RBFOX2: variants seen among roughly 807,000 people sequenced by gnomAD.
RBFOX2 encodes RNA binding protein fox-1 homolog 2.
Under a neutral mutation model 49.1 loss-of-function variants are expected in RBFOX2, and 10 were observed. The observed-to-expected ratio is 0.20, with a 90% CI of 0.13 to 0.35. The LOEUF is 0.35. Among genes scored for constraint, RBFOX2 ranks in the 10% least tolerant of loss-of-function variants. RBFOX2 has a pLI of 1.00. For synonymous variants in RBFOX2, 183 were observed against 187.4 expected (o/e 0.98, Z 0.19); for missense variants, 323 against 486.9 (o/e 0.66, Z 3.17).
chr22:35,859,000 A>G (rs1010514430), intron 1 of RBFOX2, among the ~76,000 whole-genome samples: 21 of 152,220 alleles, frequency 1.4e-4, no homozygotes, highest in Non-Finnish European at 2.9e-4. Context: ...TCATTCAATC[A>G]TGATATCTTC....
intron 1 of RBFOX2, among the ~76,000 whole-genome samples, chr22:35,937,262 C>T (rs2053191677): frequency 6.6e-6 from 1 of 152,160 alleles, no homozygotes; most frequent in Admixed American, 6.5e-5. Context: ...GCATAAGTTT[C>T]CCAGCTTAGA....
chr22:35,937,993 T>C lies in RBFOX2; in HGVS notation c.-34+854A>G, dbSNP rs554490682. Among the ~76,000 whole-genome samples, 18 of 152,332 alleles carry C rather than the reference T, an allele frequency of 1.2e-4. 1 individual carries two copies. The South Asian group carries it at 3.5e-3, about 30-fold the overall frequency. On this transcript the variant is annotated intron_variant, in intron 1 of 13. Transcript: ENST00000359369. ...TTCGTTTAGCACTGTAACTCATATC[T>C]CCTGGACAAGTATAACAATGGTAGC...
chr22:35,857,939 G>C (rs542970017), intron 1 of RBFOX2, among the ~76,000 whole-genome samples: 1 of 152,258 alleles, frequency 6.6e-6, no homozygotes, highest in African/African-American at 2.4e-5. Context: ...TACTAGGGAA[G>C]GTATTTCATA....
chr22:35,932,983 T>A (rs1174909152), intron 1 of RBFOX2, among the ~76,000 whole-genome samples: 1 of 152,192 alleles, frequency 6.6e-6, no homozygotes, highest in Non-Finnish European at 1.5e-5. Context: ...AATAAGTTAC[T>A]CAAGAACTTT....
chr22:35,866,235 T>C (rs1244078864), intron 1 of RBFOX2, among the ~76,000 whole-genome samples: 1 of 152,224 alleles, frequency 6.6e-6, no homozygotes, highest in Non-Finnish European at 1.5e-5. Flanking sequence ...ATTAAATATG[T>C]ATTTCCTAAA....
At chr22:35,794,519 G>A (rs981574135) in intron 2 of RBFOX2, among the ~76,000 whole-genome samples, 24 of 152,042 alleles carry the variant, frequency 1.6e-4, no homozygotes, top group African/African-American at 4.8e-5. Context: ...TTAGCCAGGC[G>A]TGGTGGTGGG....
chr22:35,741,627 A>C (rs1418741730), exon 12 of RBFOX2: 1 of 152,810 alleles, frequency 6.5e-6, no homozygotes, highest in Non-Finnish European at 1.5e-5. Context: ...TTCTTAGAAA[A>C]GGGAGCTGGA....
chr22:35,765,589 T>A, intron 5 of RBFOX2, 106 bp from the exon 7 acceptor site: 1 of 530,024 alleles, frequency 1.9e-6, no homozygotes, highest in Non-Finnish European at 3.3e-6. Flanking sequence ...TGTAAATTTC[T>A]GAGAGCAGTG....
rs1012036910 is a variant in RBFOX2 at position 35,753,986 on chromosome 22, T to C, written c.887+5902A>G. 4.0e-5 allele frequency among the ~76,000 whole-genome samples: 6 copies of C among 151,702 alleles called. 1 individual carries two copies. Reference sequence around the variant, plus strand: ...TTAGTAGAGATGGGGTTTCGCCATCTTGGCCAGGCTGGTCTCGTACTCCTG... The same window carrying C: ...TTAGTAGAGATGGGGTTTCGCCATCCTGGCCAGGCTGGTCTCGTACTCCTG... On this transcript the variant is annotated intron_variant, in intron 9 of 11. Coordinates refer to ENST00000405409, the Ensembl canonical transcript of RBFOX2.
upstream of RBFOX2, among the ~76,000 whole-genome samples, chr22:35,842,523 C>T (rs2148875970): frequency 6.6e-6 from 1 of 152,218 alleles, no homozygotes; most frequent in Middle Eastern, 3.4e-3. Context: ...AAGAGCAACC[C>T]AGTGTATTTT....
At chr22:35,904,736 T>C (rs2048941253) in intron 1 of RBFOX2, among the ~76,000 whole-genome samples, 1 of 152,222 alleles carries the variant, frequency 6.6e-6, no homozygotes, top group Admixed American at 6.5e-5. Context: ...AGCATCCCAG[T>C]TCAAGCTCTC....
At chr22:35,849,310 C>T (rs1227391034) in intron 1 of RBFOX2, among the ~76,000 whole-genome samples, 1 of 150,964 alleles carries the variant, frequency 6.6e-6, no homozygotes, top group Admixed American at 6.6e-5. Context: ...CACACACACA[C>T]ACACACACAC....
chr22:35,783,017 TTGTTTTCC>T (rs1945535531), intron 2 of RBFOX2, among the ~76,000 whole-genome samples: 1 of 152,206 alleles, frequency 6.6e-6, no homozygotes, highest in Non-Finnish European at 1.5e-5. Context: ...ATTTTCTAGT[TTGTTTTCC>T]TTTTTCTTAA....
At chr22:36,027,975 T>A (rs1433324915) in intron 1 of RBFOX2, among the ~76,000 whole-genome samples, 1 of 152,104 alleles carries the variant, frequency 6.6e-6, no homozygotes, top group African/African-American at 2.4e-5. Context: ...CTCAACCTTG[T>A]TCGATTTCCC....
chr22:35,980,787 T>C (rs1013667649), intron 1 of RBFOX2, among the ~76,000 whole-genome samples: 2 of 152,018 alleles, frequency 1.3e-5, no homozygotes, highest in Admixed American at 1.3e-4. Flanking sequence ...GTTTAGCAGG[T>C]GGGACAGACA....
At chr22:36,027,570 T>C (rs1278692952) in intron 1 of RBFOX2, among the ~76,000 whole-genome samples, 6 of 152,162 alleles carry the variant, frequency 3.9e-5, no homozygotes, top group Admixed American at 2.0e-4. Context: ...CCTGGTGATG[T>C]AGAATGCAAT....
At chr22:35,758,903 G>T (rs1937699491) in intron 9 of RBFOX2, among the ~76,000 whole-genome samples, 1 of 152,074 alleles carries the variant, frequency 6.6e-6, no homozygotes, top group Admixed American at 6.5e-5. Context: ...TACAAAGGAG[G>T]TTCCTTCCCT....
At chr22:35,796,736 GCTTA>G (rs66554152) in intron 2 of RBFOX2, among the ~76,000 whole-genome samples, 7,015 of 152,176 alleles carry the variant, frequency 0.046, 181 homozygotes, top group African/African-American at 0.057. Flanking sequence ...TAAAATATCG[GCTTA>G]CTGAGTTACG....
intron 1 of RBFOX2, among the ~76,000 whole-genome samples, chr22:35,888,808 T>C (rs558600315): frequency 1.8e-4 from 28 of 152,316 alleles, no homozygotes; most frequent in Middle Eastern, 3.4e-3. Flanking sequence ...TTTCCTAATG[T>C]CCTGGTTTTC....
Sources: allele counts gnomAD v4.1 joint callset (sites outside exome capture counted in the v4.1 genomes callset), GRCh38; gene constraint gnomAD v4.1.1; transcripts MANE v1.5; gene names NCBI Gene and HGNC (gene_info 2026-07-23, HGNC 2026-07-21).